The following CPNE6 variants were observed in gnomAD, a reference collection of about 807,000 sequenced individuals.
CPNE6 encodes copine-6.
In CPNE6, 33 loss-of-function variants were observed where a neutral mutation model predicts 71.5. The ratio of observed to expected loss-of-function variants is 0.46; its 90% CI spans 0.35 to 0.62. The LOEUF (loss-of-function observed/expected upper bound fraction) is 0.62, where lower values mean the gene tolerates loss of function less well. Among genes scored for constraint, CPNE6 ranks in the 20% least tolerant of loss-of-function variants. The pLI is 0.00. For missense variants in CPNE6, 576 were observed against 747.3 expected, an observed-to-expected ratio of 0.77 and a Z score of 2.67; for synonymous variants, 296 against 293.0, an observed-to-expected ratio of 1.01 and a Z score of -0.10.
chr14:24,077,652 G>A lies in CPNE6; in HGVS notation c.1596G>A (p.Glu532=). 6.3e-7 allele frequency: 1 copy of A among 1,598,198 alleles called. No homozygotes were observed. The highest frequency in any genetic ancestry group is 8.5e-7 in the Non-Finnish European group (1 of 1,171,950). ...CTGAGGTGCCACGGCAGGTGGTGGA[G>A]TACTACGCCAGCCAGGGCATCAGCC... Residue 532 remains glutamate (E), a synonymous_variant, in exon 17 of 18, where the codon GAG becomes GAA. Coordinates refer to ENST00000397016, the Ensembl canonical transcript of CPNE6. The surrounding 1 kb of genome is among the most constrained non-coding windows in gnomAD (Gnocchi z 6.1).
chr14:24,076,172 C>A (rs752354218), exon 12 of CPNE6: 1 of 1,613,942 alleles, frequency 6.2e-7, no homozygotes. Flanking sequence ...TCACCGCCTC[C>A]AATGGGGACC....
In CPNE6 at chr14:24,073,175, C is replaced by T; in HGVS notation, c.168+71C>T. Reference sequence around the variant, plus strand: ...GGGAAAGAGGGAGGCTGGGTGGGAGCAGTGAAAGCCTTGCAGGGAAATGTG... The same window carrying T: ...GGGAAAGAGGGAGGCTGGGTGGGAGTAGTGAAAGCCTTGCAGGGAAATGTG... On this transcript the variant is annotated intron_variant, in intron 3 of 17. Coordinates refer to ENST00000397016, the Ensembl canonical transcript of CPNE6. This position sits in a 1 kb window ranked among gnomAD's most constrained non-coding sequence, Gnocchi z 5.5. The T allele has an allele frequency of 7.3e-7, 1 of 1,373,808 alleles. No homozygotes were observed. 85.1% of individuals were successfully genotyped at this position (1,373,808 alleles called of 1,614,324 possible).
Position 24,073,612 on chromosome 14 carries a change from C to G in CPNE6, c.282C>G (p.Ala94=), listed in dbSNP as rs761294576. Residue 94 remains alanine, a synonymous_variant, in exon 4 of 18, where the codon GCC becomes GCG. Transcript: ENST00000397016. This position sits in a 1 kb window ranked among gnomAD's most constrained non-coding sequence, Gnocchi z 5.5. ...CCCTGCAGTTCCACGTGTTCGATGC[C>G]GAGGACGGAGCCACCAGCCCCCGAA... The G allele has an allele frequency of 6.2e-7, 1 of 1,613,964 alleles. No individual in the cohort carries two copies. The highest frequency in any genetic ancestry group is 1.1e-5 in the South Asian group (1 of 91,058).
At position 24,077,237 on chromosome 14, in the gene CPNE6, C is replaced by A. The variant is rs1594236005; in HGVS notation, c.1383C>A (p.Arg461=). 4 of 1,613,364 alleles carry A rather than the reference C, an allele frequency of 2.5e-6. No individual in the cohort carries two copies. The highest frequency in any genetic ancestry group is 3.4e-6 in the Non-Finnish European group (4 of 1,180,038). Residue 461 remains arginine, a synonymous_variant, in exon 16 of 18, where the codon CGC becomes CGA. Coordinates refer to ENST00000397016, the Ensembl canonical transcript of CPNE6. This position sits in a 1 kb window ranked among gnomAD's most constrained non-coding sequence, Gnocchi z 6.1. ...GCACTGCTATCGTGCGTGCCTCCCGCCTGCCCATGTCCATCATCATCGTAG... is the reference window on the plus strand; with the variant it reads ...GCACTGCTATCGTGCGTGCCTCCCGACTGCCCATGTCCATCATCATCGTAG...
exon 14 of CPNE6, chr14:24,076,515 G>A: frequency 1.9e-6 from 3 of 1,614,162 alleles, no homozygotes; most frequent in Middle Eastern, 1.6e-4. Context: ...GGTGTCCCAT[G>A]ACTTTGCTAT....
chr14:24,077,802 G>A lies in CPNE6; in HGVS notation c.*37+35G>A, dbSNP rs113479186. 4.2e-6 allele frequency: 6 copies of A among 1,437,034 alleles called. No homozygotes were observed. Among genetic ancestry groups the A allele is most frequent in the Admixed American group, 5.8e-5 (2 of 34,732 alleles). 89.0% of individuals were successfully genotyped at this position (1,437,034 alleles called of 1,614,324 possible). ...GGGGCTTCCAAAGGAGTGGACACAG[G>A]GGGTGCAAAGTGGGGCTTGGTAGAG... On this transcript the variant is annotated intron_variant, in intron 17 of 17. Transcript: ENST00000397016. This position sits in a 1 kb window ranked among gnomAD's most constrained non-coding sequence, Gnocchi z 6.1.
chr14:24,071,501 G>GCGGCCCCCCCC, intron 1 of CPNE6, 61 bp from the exon 1 acceptor site: 7 of 1,416,700 alleles, frequency 4.9e-6, no homozygotes, highest in African/African-American at 3.1e-5. Context: ...CTGGTGCTGC[G>GCGGCCCCCCCC]CCCCCCCCCA....
At position 24,077,016 on chromosome 14, in the gene CPNE6, G is replaced by A. The variant is rs1269487499; in HGVS notation, c.1299+4G>A. On this transcript the variant is annotated splice_donor_region_variant and intron_variant, in intron 15 of 17. Coordinates refer to ENST00000397016, the Ensembl canonical transcript of CPNE6. The surrounding 1 kb of genome is among the most constrained non-coding windows in gnomAD (Gnocchi z 6.1). ...GCAGAGCACCGGCCAAGCCACGGTA[G>A]GAAGACATGGCGGGCAAACAGGAGC... 6.2e-7 allele frequency: 1 copy of A among 1,609,264 alleles called. No homozygotes were observed. The highest frequency in any genetic ancestry group is 1.7e-5 in the Admixed American group (1 of 60,006).
chr14:24,075,826 G>C lies in CPNE6; in HGVS notation c.865-1G>C, dbSNP rs1364844250. ...CGCCTTACCCCTCTCCCTACCTCCA[G>C]GTGGAGAAGGTGCACACCTTCCTGG... On this transcript the variant is annotated splice_acceptor_variant, in intron 10 of 17. Coordinates refer to ENST00000397016, the Ensembl canonical transcript of CPNE6. LOFTEE classifies it high-confidence loss of function. The surrounding 1 kb of genome is among the most constrained non-coding windows in gnomAD (Gnocchi z 4.3). 6.2e-7 allele frequency: 1 copy of C among 1,613,910 alleles called. No individual in the cohort carries two copies. Among genetic ancestry groups the C allele is most frequent in the Non-Finnish European group, 8.5e-7 (1 of 1,179,920 alleles).
chr14:24,074,627 G>C lies in CPNE6; in HGVS notation c.582+13G>C. The C allele has an allele frequency of 6.2e-7, 1 of 1,614,056 alleles. No individual in the cohort carries two copies. The highest frequency in any genetic ancestry group is 8.5e-7 in the Non-Finnish European group (1 of 1,179,932). On this transcript the variant is annotated intron_variant, in intron 7 of 17. Transcript: ENST00000397016. The surrounding 1 kb of genome is among the most constrained non-coding windows in gnomAD (Gnocchi z 4.5). ...CTGGAGAACTGAGGTTGGTGCCTGG[G>C]GCTATGGGGATGAAGGGAGGGAGAG... is the stretch of plus-strand genomic sequence containing the variant.
rs2035956701 is a variant in CPNE6, at chr14:24,073,214, G to A, written c.168+110G>A. The A allele has an allele frequency of 4.1e-6, 5 of 1,225,562 alleles. No individual in the cohort carries two copies. The highest frequency in any genetic ancestry group is 5.4e-6 in the Non-Finnish European group (5 of 931,798). 75.9% of individuals were successfully genotyped at this position (1,225,562 alleles called of 1,614,324 possible). A position where few individuals can be genotyped will look rare whatever the true frequency, so the allele number is the denominator to read the frequency against. ...CAGGGAAATGTGTGGACTCTGCGGC[G>A]CCTTCTCGAGGCCGCTTGGGTACCC... is the stretch of plus-strand genomic sequence containing the variant. On this transcript the variant is annotated intron_variant, in intron 3 of 17. Coordinates refer to ENST00000397016, the Ensembl canonical transcript of CPNE6. This position sits in a 1 kb window ranked among gnomAD's most constrained non-coding sequence, Gnocchi z 5.5.
chr14:24,077,090 T>C lies in CPNE6; in HGVS notation c.1300-64T>C, dbSNP rs2138855079. The C allele has an allele frequency of 6.3e-7, 1 of 1,596,392 alleles. No homozygotes were observed. The highest frequency in any genetic ancestry group is 2.2e-5 in the East Asian group (1 of 44,710). ...GCCAGGGCCAGGGTCTGCACCTTGG[T>C]GGAAACGGTGTCAACGCCCTTGCAC... On this transcript the variant is annotated intron_variant, in intron 15 of 17. Transcript: ENST00000397016. The surrounding 1 kb of genome is among the most constrained non-coding windows in gnomAD (Gnocchi z 6.1).
rs2138844856 is a variant in CPNE6, at chr14:24,073,374, G to A, written c.169-125G>A. On this transcript the variant is annotated intron_variant, in intron 3 of 17. Transcript: ENST00000397016. The surrounding 1 kb of genome is among the most constrained non-coding windows in gnomAD (Gnocchi z 5.5). The stretch of plus-strand genomic sequence containing the variant: ...CCAAGCTCAGGGATCAGCTTAGGAA[G>A]AGAAGAGCTGGTTGCTGGGGACGTG... 1.8e-6 allele frequency: 2 copies of A among 1,119,168 alleles called. No homozygotes were observed. Among genetic ancestry groups the A allele is most frequent in the Non-Finnish European group, 1.3e-6 (1 of 782,890 alleles). The allele number at this position is 1,119,168 out of a possible 1,614,324, so 69.3% of individuals were successfully genotyped here.
exon 13 of CPNE6, chr14:24,076,367 C>T (rs1473044110): frequency 6.8e-6 from 11 of 1,614,208 alleles, no homozygotes; most frequent in South Asian, 3.3e-5. Context: ...CAGTGATAAG[C>T]GGTTCCCAGC....
At position 24,074,795 on chromosome 14, in the gene CPNE6, G is replaced by A. The variant is rs145544255; in HGVS notation, c.672G>A (p.Lys224=). 143 of 1,611,302 alleles carry A rather than the reference G, an allele frequency of 8.9e-5. No homozygotes were observed. Among genetic ancestry groups the A allele is most frequent in the Admixed American group, 6.0e-4 (36 of 59,636 alleles). ...GCTGTGATGTTCACCGACCTCTCAA[G>A]GTGAAGTCCCAGCCAAGCCAGCACA... The change falls in exon 8 of 18, where the codon AAG becomes AAA. Residue 224 remains lysine, a splice_region_variant and synonymous_variant. Transcript: ENST00000397016. This position sits in a 1 kb window ranked among gnomAD's most constrained non-coding sequence, Gnocchi z 4.5.
intron 11 of CPNE6, 75 bp from the exon 11 acceptor site, chr14:24,076,073 AC>A: frequency 6.3e-7 from 1 of 1,581,674 alleles, no homozygotes. Context: ...AGTCCTCCCT[AC>A]AGATCCCAGC....
exon 13 of CPNE6, chr14:24,076,386 T>G: frequency 6.2e-7 from 1 of 1,614,120 alleles, no homozygotes; most frequent in Non-Finnish European, 8.5e-7. Flanking sequence ...GCTTTTGGCT[T>G]TGGGGCTCGA....
intron 14 of CPNE6, 49 bp from the exon 14 acceptor site, chr14:24,076,830 G>T: frequency 6.2e-7 from 1 of 1,607,892 alleles, no homozygotes; most frequent in Non-Finnish European, 8.5e-7. Flanking sequence ...AGTGTCAGGA[G>T]GGGGCCCTGC....
intron 11 of CPNE6, 22 bp from the exon 11 acceptor site, chr14:24,076,127 C>T: frequency 6.2e-7 from 1 of 1,609,622 alleles, no homozygotes; most frequent in East Asian, 2.2e-5. Flanking sequence ...TGCAGCATGA[C>T]CTTCTTCCCA....
Sources: allele counts gnomAD v4.1 joint callset, GRCh38; gene constraint gnomAD v4.1.1; non-coding constraint Gnocchi (gnomAD v3.1); transcripts MANE v1.5; gene names NCBI Gene and HGNC (gene_info 2026-07-23, HGNC 2026-07-21).